The following FGF7 variants were observed in gnomAD, a reference collection of about 807,000 sequenced individuals.
The protein encoded by FGF7 is fibroblast growth factor 7.
FGF7 carries 6 observed loss-of-function variants against 20.5 expected under a neutral mutation model. The ratio of observed to expected loss-of-function variants is 0.29; its 90% confidence interval spans 0.16 to 0.58. The LOEUF (loss-of-function observed/expected upper bound fraction) is 0.58, where lower values mean the gene tolerates loss of function less well. Among genes scored for constraint, FGF7 ranks in the 20% least tolerant of loss-of-function variants. The probability of loss-of-function intolerance (pLI) is 0.90; values close to 1 mark genes in which losing one functional copy is unlikely to be tolerated. For synonymous variants in FGF7, 64 were observed against 74.7 expected (o/e 0.86, Z 0.74); for missense variants, 144 against 228.8 (o/e 0.63, Z 2.39).
chr15:49,472,522 A>G (rs2054869845), intron 2 of FGF7, among the ~76,000 whole-genome samples: 1 of 152,222 alleles, frequency 6.6e-6, no homozygotes, highest in African/African-American at 2.4e-5. Flanking sequence ...TGGGAAATGG[A>G]AAGTTTATTT....
At chr15:49,473,372 TAA>T (rs981009548) in intron 2 of FGF7, among the ~76,000 whole-genome samples, 1 of 152,182 alleles carries the variant, frequency 6.6e-6, no homozygotes, top group African/African-American at 2.4e-5. Context: ...GAGTTAAATA[TAA>T]GTTATTAGAA....
At chr15:49,452,178 A>C (rs1834359908) in intron 2 of FGF7, among the ~76,000 whole-genome samples, 1 of 152,130 alleles carries the variant, frequency 6.6e-6, no homozygotes, top group South Asian at 2.1e-4. Context: ...AGTATCTGGC[A>C]CTACAGGTGC....
At chr15:49,474,055 G>A (rs1349619545) in intron 2 of FGF7, among the ~76,000 whole-genome samples, 7 of 152,054 alleles carry the variant, frequency 4.6e-5, no homozygotes, top group South Asian at 2.1e-4. Flanking sequence ...TTTGATAGGC[G>A]AACTTTTTAT....
At chr15:49,447,759 ACTG>A (rs2151868364) in intron 2 of FGF7, among the ~76,000 whole-genome samples, 1 of 151,834 alleles carries the variant, frequency 6.6e-6, no homozygotes, top group South Asian at 2.1e-4. Flanking sequence ...TGTCCTCATT[ACTG>A]CTTGCTCCAA....
At chr15:49,471,484 AAATAATAATAATAATAATAAT>A (rs201297260) in intron 2 of FGF7, among the ~76,000 whole-genome samples, 118 of 137,850 alleles carry the variant, frequency 8.6e-4, no homozygotes, top group South Asian at 3.1e-3. Context: ...CTCTATCTCA[AAATAATAATAATAATAATAAT>A]AATAATAATA....
At chr15:49,444,448 T>A (rs12591799) in intron 2 of FGF7, among the ~76,000 whole-genome samples, 3,526 of 151,874 alleles carry the variant, frequency 0.023, 89 homozygotes, top group South Asian at 0.13. Context: ...CTTTAAAAAC[T>A]TTTTTAGGAT....
intron 2 of FGF7, among the ~76,000 whole-genome samples, chr15:49,433,391 G>A (rs1311371820): frequency 6.6e-6 from 1 of 151,506 alleles, no homozygotes; most frequent in South Asian, 2.1e-4. Context: ...AGTGTAAGAG[G>A]TGAAAGGGTA....
At chr15:49,454,120 A>G (rs1309578811) in intron 2 of FGF7, among the ~76,000 whole-genome samples, 1 of 152,210 alleles carries the variant, frequency 6.6e-6, no homozygotes, top group Non-Finnish European at 1.5e-5. Context: ...ATTAATGTAC[A>G]ACATAGATGG....
chr15:49,444,621 G>A (rs17478618), intron 2 of FGF7, among the ~76,000 whole-genome samples: 26,533 of 151,624 alleles, frequency 0.17, 2,589 homozygotes, highest in Non-Finnish European at 0.22. Context: ...GAAGCCTAAT[G>A]AAGCAGATCT....
chr15:49,429,547 G>A (rs1209470474), intron 2 of FGF7, among the ~76,000 whole-genome samples: 1 of 151,820 alleles, frequency 6.6e-6, no homozygotes, highest in Non-Finnish European at 1.5e-5. Flanking sequence ...GCATTCAGAG[G>A]CCCAAGTGAA....
intron 2 of FGF7, among the ~76,000 whole-genome samples, chr15:49,428,872 T>C (rs1175474012): frequency 6.6e-6 from 1 of 152,040 alleles, no homozygotes; most frequent in Non-Finnish European, 1.5e-5. Context: ...TATTCTCTTT[T>C]GGACTGTTAG....
chr15:49,460,705 A>G (rs1192345345), intron 2 of FGF7, among the ~76,000 whole-genome samples: 1 of 152,192 alleles, frequency 6.6e-6, no homozygotes, highest in Non-Finnish European at 1.5e-5. Flanking sequence ...CATGTATATA[A>G]TAATTAAACA....
At chr15:49,477,365 C>T (rs1479380542) in intron 2 of FGF7, among the ~76,000 whole-genome samples, 1 of 152,134 alleles carries the variant, frequency 6.6e-6, no homozygotes, top group Non-Finnish European at 1.5e-5. Context: ...AGGCCCTTGC[C>T]ACCACTGATA....
At chr15:49,458,490 C>G (rs987523344) in intron 2 of FGF7, among the ~76,000 whole-genome samples, 1 of 151,822 alleles carries the variant, frequency 6.6e-6, no homozygotes, top group Non-Finnish European at 1.5e-5. Flanking sequence ...CCCTCTTTAC[C>G]AATTTAAGAT....
chr15:49,433,161 AATT>A (rs1383262833), intron 2 of FGF7, among the ~76,000 whole-genome samples: 1 of 151,414 alleles, frequency 6.6e-6, no homozygotes, highest in African/African-American at 2.4e-5. Flanking sequence ...CAAAGAAATC[AATT>A]ATTTGAGATT....
intron 2 of FGF7, among the ~76,000 whole-genome samples, chr15:49,470,660 T>C (rs2054657776): frequency 6.6e-6 from 1 of 152,152 alleles, no homozygotes. Flanking sequence ...GGCCTGGAAG[T>C]TGAAAAAATG....
chr15:49,444,436 G>A (rs2051985227), intron 2 of FGF7, among the ~76,000 whole-genome samples: 1 of 151,718 alleles, frequency 6.6e-6, no homozygotes, highest in South Asian at 2.1e-4. Context: ...TCACATATTT[G>A]CCTTTAAAAA....
chr15:49,474,769 G>A (rs1218119777), intron 2 of FGF7, among the ~76,000 whole-genome samples: 2 of 152,060 alleles, frequency 1.3e-5, no homozygotes. Flanking sequence ...AATCTCATAG[G>A]AGCGTGAACC....
Position 49,431,552 on chromosome 15 carries a change from C to T in FGF7, c.286+6969C>T, listed in dbSNP as rs537762544. On this transcript the variant is annotated intron_variant, in intron 2 of 3. Coordinates refer to ENST00000267843, the MANE Select transcript of FGF7 (RefSeq NM_002009.4). ...TCAGAGGAAAAAAATTTGATGTATA[C>T]TGGGGAGAATTGGCTCTAGAGATTC... 9.4e-4 allele frequency among the ~76,000 whole-genome samples: 143 copies of T among 151,764 alleles called. 5 individuals carry two copies. In the South Asian group the frequency reaches 0.027, roughly 29 times the overall value.
Sources: gnomAD v4.1 joint callset for allele counts (sites outside exome capture counted in the v4.1 genomes callset) on GRCh38, gnomAD v4.1.1 for gene constraint, MANE v1.5 for transcripts, NCBI Gene and HGNC (gene_info 2026-07-23, HGNC 2026-07-21) for gene names.